Variants in CSK observed in about 807,000 individuals in gnomAD.
CSK encodes the protein tyrosine-protein kinase CSK.
Under a neutral mutation model 62.3 loss-of-function variants are expected in CSK, and 7 were observed. That is an observed-to-expected ratio of 0.11 (90% CI 0.06 to 0.21). The LOEUF is 0.21. Among genes scored for constraint, CSK ranks in the 10% least tolerant of loss-of-function variants. CSK has a pLI of 1.00. For synonymous variants in CSK, 237 were observed against 246.0 expected (o/e 0.96, Z 0.34); for missense variants, 294 against 613.5 (o/e 0.48, Z 5.50).
chr15:74,785,387 C>T (rs927746085), intron 1 of CSK, among the ~76,000 whole-genome samples: 4 of 152,126 alleles, frequency 2.6e-5, no homozygotes, highest in East Asian at 1.9e-4. Context: ...TTGTGGTTGT[C>T]GTTACTATGA....
intron 1 of CSK, chr15:74,793,387 G>GCCTCCTC (rs35739285): frequency 5.9e-5 from 9 of 152,866 alleles, no homozygotes; most frequent in Non-Finnish European, 1.0e-4. Context: ...AGCTGCTTCT[G>GCCTCCTC]CCTCCTCCCT....
chr15:74,800,540 C>T, intron 6 of CSK, 35 bp downstream of exon 6: 4 of 1,593,642 alleles, frequency 2.5e-6, no homozygotes, highest in African/African-American at 1.3e-5. Flanking sequence ...CTTGCCCACC[C>T]ACCTCCTCCC....
chr15:74,786,000 C>CTTTTTTTTTTTTTTTTTTTT lies in CSK; in HGVS notation c.-66+3281_-66+3282insTTTTTTTTTTTTTTTTTTTT, dbSNP rs1232728038. Among the ~76,000 whole-genome samples the CTTTTTTTTTTTTTTTTTTTT allele has an allele frequency of 2.5e-3, 147 of 59,906 alleles. 42 individuals are homozygous for CTTTTTTTTTTTTTTTTTTTT. The highest frequency in any genetic ancestry group is 9.4e-3 in the Middle Eastern group (1 of 106). The allele number at this position is 59,906 out of a possible 152,430, so 39.3% of individuals were successfully genotyped here. On this transcript the variant is annotated intron_variant, in intron 1 of 12. Coordinates refer to ENST00000220003, the MANE Select transcript of CSK (RefSeq NM_004383.3). The stretch of plus-strand genomic sequence containing the variant: ...CAAGGCCTCTTCTCTCTCTCTCTCT[C>CTTTTTTTTTTTTTTTTTTTT]TCTTTTTTTTTTTTGTGTGTGTGTG...
chr15:74,799,008 CAGGG>C, intron 4 of CSK, 70 bp downstream of exon 4: 1 of 1,352,852 alleles, frequency 7.4e-7, no homozygotes, highest in Non-Finnish European at 9.8e-7. Context: ...CAGGAGCAAG[CAGGG>C]AGGCCAGAGT....
At chr15:74,800,542 C>T (rs757359800) in intron 6 of CSK, 37 bp downstream of exon 6, 3 of 1,593,644 alleles carry the variant, frequency 1.9e-6, no homozygotes, top group Non-Finnish European at 1.7e-6. Flanking sequence ...TGCCCACCCA[C>T]CTCCTCCCAC....
Position 74,800,934 on chromosome 15 carries a change from CG to C in CSK, c.722+16del. ...GCCTCAGTCATGACGTGAGTGGGGG[CG>C]GGGTAGGGGGGAGGTTGGCCTAGGT... On this transcript the variant is annotated intron_variant, in intron 8 of 12. Transcript: ENST00000220003. 4.3e-6 allele frequency: 7 copies of C among 1,612,512 alleles called. No homozygotes were observed. The highest frequency in any genetic ancestry group is 5.9e-6 in the Non-Finnish European group (7 of 1,179,708).
chr15:74,800,552 C>T (rs1390316410), intron 6 of CSK, 47 bp downstream of exon 6: 8 of 1,583,286 alleles, frequency 5.1e-6, no homozygotes, highest in African/African-American at 2.7e-5. Context: ...CCTCCTCCCA[C>T]GCAGGCTTCC....
chr15:74,784,677 T>C (rs2063488814), intron 1 of CSK, among the ~76,000 whole-genome samples: 1 of 151,966 alleles, frequency 6.6e-6, no homozygotes, highest in African/African-American at 2.4e-5. Flanking sequence ...TCGGCAAGGG[T>C]TGGAAATTTC....
At chr15:74,797,982 CCTTT>C (rs1325880039) in intron 1 of CSK, 17 of 292,238 alleles carry the variant, frequency 5.8e-5, no homozygotes, top group Non-Finnish European at 9.1e-5. Flanking sequence ...CCCCTTTGCT[CCTTT>C]CTATCAGTCC....
chr15:74,800,627 C>T (rs1341036565), intron 6 of CSK, 54 bp from the exon 7 acceptor site: 14 of 1,535,872 alleles, frequency 9.1e-6, no homozygotes, highest in Non-Finnish European at 1.1e-5. Context: ...CAGCCTCTGT[C>T]ATCCCAGCCA....
intron 1 of CSK, chr15:74,790,729 A>G (rs1302504902): frequency 6.6e-6 from 1 of 152,160 alleles, no homozygotes; most frequent in Non-Finnish European, 1.5e-5. Flanking sequence ...TCGTTCATTC[A>G]TTCATTCATT....
At chr15:74,786,600 T>G (rs932964934) in intron 1 of CSK, among the ~76,000 whole-genome samples, 12 of 152,102 alleles carry the variant, frequency 7.9e-5, no homozygotes, top group Non-Finnish European at 1.6e-4. Context: ...CATGTTAGCC[T>G]CCCCCTCCTC....
Position 74,798,678 on chromosome 15 carries a change from G to C in CSK, c.79G>C (p.Asp27His). 7 of 1,613,780 alleles carry C rather than the reference G, an allele frequency of 4.3e-6. No individual in the cohort carries two copies. The highest frequency in any genetic ancestry group is 5.9e-6 in the Non-Finnish European group (7 of 1,180,036). ...KYNFHGTAEQ[D>H]LPFCKGDVLT... Reference sequence around the variant, plus strand: ...CAACTTCCACGGCACTGCCGAGCAGGACCTGCCCTTCTGCAAAGGAGACGT... The same window carrying C: ...CAACTTCCACGGCACTGCCGAGCAGCACCTGCCCTTCTGCAAAGGAGACGT... The change falls in exon 3 of 13, where the codon GAC becomes CAC. Residue 27 changes from aspartate to histidine, a missense_variant. By Grantham distance (81) the Asp-to-His change is moderately conservative. Around this residue, in one of 3 missense-constraint regions of CSK, gnomAD observed 202 missense variants for 415.7 expected, o/e 0.49. Coordinates refer to ENST00000220003, the MANE Select transcript of CSK (RefSeq NM_004383.3). This position sits in a 1 kb window ranked among gnomAD's most constrained non-coding sequence, Gnocchi z 6.6.
chr15:74,790,321 A>C (rs2063599728), intron 1 of CSK, among the ~76,000 whole-genome samples: 1 of 151,950 alleles, frequency 6.6e-6, no homozygotes, highest in South Asian at 2.1e-4. Context: ...GAGCCCCTTG[A>C]CCTCCCCTGG....
In CSK at chr15:74,798,363, G is replaced by A; in HGVS notation, c.15+51G>A. On this transcript the variant is annotated intron_variant, in intron 2 of 12. Transcript: ENST00000220003. The surrounding 1 kb of genome is among the most constrained non-coding windows in gnomAD (Gnocchi z 6.6). ...CATGCAAGCATTCCCACCAGCCCCA[G>A]CGGGGTGCTTAGCAGAGGAGAGAGG... 1 of 1,591,400 alleles carries A rather than the reference G, an allele frequency of 6.3e-7. No homozygotes were observed. The highest frequency in any genetic ancestry group is 8.6e-7 in the Non-Finnish European group (1 of 1,166,556).
intron 1 of CSK, among the ~76,000 whole-genome samples, chr15:74,790,267 C>T (rs146463598): frequency 4.0e-4 from 61 of 152,368 alleles, no homozygotes; most frequent in African/African-American, 1.4e-3. Context: ...AAGGCTCCCA[C>T]GCCCCATTAG....
At chr15:74,799,150 C>A in intron 4 of CSK, 122 bp from the exon 5 acceptor site, 1 of 1,088,646 alleles carries the variant, frequency 9.2e-7, no homozygotes, top group Non-Finnish European at 1.3e-6. Context: ...AAGAAGAGGG[C>A]CTCAAATGCC....
intron 1 of CSK, among the ~76,000 whole-genome samples, chr15:74,785,503 TAGAC>T (rs1038092814): frequency 6.6e-6 from 1 of 152,212 alleles, no homozygotes; most frequent in African/African-American, 2.4e-5. Context: ...AGAGGGACCT[TAGAC>T]AGGTCACTGA....
chr15:74,794,444 G>A (rs1158552184), intron 1 of CSK, among the ~76,000 whole-genome samples: 1 of 152,040 alleles, frequency 6.6e-6, no homozygotes, highest in Non-Finnish European at 1.5e-5. Context: ...AGTGGTGACT[G>A]AGTCATGTGG....
Sources: allele counts gnomAD v4.1 joint callset (sites outside exome capture counted in the v4.1 genomes callset), GRCh38; gene constraint gnomAD v4.1.1; regional missense constraint gnomAD v4.1.1; non-coding constraint Gnocchi (gnomAD v3.1); transcripts MANE v1.5; gene names NCBI Gene and HGNC (gene_info 2026-07-23, HGNC 2026-07-21).